Variants in ADARB2 observed in about 807,000 individuals in gnomAD.
ADARB2 encodes adenosine deaminase RNA specific B2 (inactive).
ADARB2 carries 25 observed loss-of-function variants against 62.2 expected under a neutral mutation model. That is an observed-to-expected ratio of 0.40 (90% CI 0.29 to 0.56). The LOEUF (loss-of-function observed/expected upper bound fraction) is 0.56. Among genes scored for constraint, ADARB2 ranks in the 20% least tolerant of loss-of-function variants. The pLI, the probability that ADARB2 is intolerant of heterozygous loss-of-function variation, is 0.43. For missense variants in ADARB2, 1,071 were observed against 1,077.4 expected, an observed-to-expected ratio of 0.99 and a Z score of 0.08; for synonymous variants, 572 against 500.8, an observed-to-expected ratio of 1.14 and a Z score of -1.90.
chr10:1,318,181 ACAAT>A (rs1413360756), intron 3 of ADARB2, among the ~76,000 whole-genome samples: 1 of 152,274 alleles, frequency 6.6e-6, no homozygotes, highest in Non-Finnish European at 1.5e-5. Flanking sequence ...TCACAGTAAC[ACAAT>A]CAATCAAATA....
chr10:1,603,019 TACAC>T (rs1833443217), intron 1 of ADARB2, among the ~76,000 whole-genome samples: 1 of 84,434 alleles, frequency 1.2e-5, no homozygotes, highest in East Asian at 3.1e-4. Context: ...TACACACACA[TACAC>T]ACATCAATAT....
In ADARB2 at chr10:1,371,401, G is replaced by A. The variant is rs558169269; in HGVS notation, c.188-7484C>T. Among the ~76,000 whole-genome samples, 10 of 152,128 alleles carry A rather than the reference G, an allele frequency of 6.6e-5. No homozygotes were observed. In the East Asian group the frequency reaches 1.9e-3, roughly 29 times the overall value. On this transcript the variant is annotated intron_variant, in intron 2 of 9. Coordinates refer to ENST00000381312, the MANE Select transcript of ADARB2 (RefSeq NM_018702.4). Reference sequence around the variant, plus strand: ...GCCTAGGCAAAAGATTTATGATGAAGGCCCCAAAAGGAAATGCACAAATCC... The same window carrying A: ...GCCTAGGCAAAAGATTTATGATGAAAGCCCCAAAAGGAAATGCACAAATCC...
intron 3 of ADARB2, among the ~76,000 whole-genome samples, chr10:1,281,004 ACT>A (rs1831366297): frequency 6.6e-6 from 1 of 152,218 alleles, no homozygotes; most frequent in Non-Finnish European, 1.5e-5. Flanking sequence ...AATGTTATTT[ACT>A]CTGAGTCATA....
At chr10:1,449,415 A>G (rs142663836) in intron 1 of ADARB2, among the ~76,000 whole-genome samples, 50 of 152,246 alleles carry the variant, frequency 3.3e-4, no homozygotes, top group African/African-American at 1.2e-3. Flanking sequence ...CCCCATGGTA[A>G]AAGTTCTTCA....
intron 1 of ADARB2, among the ~76,000 whole-genome samples, chr10:1,399,872 A>T (rs1832647433): frequency 6.6e-6 from 1 of 150,430 alleles, no homozygotes; most frequent in South Asian, 2.1e-4. Context: ...GCCCTGAGGG[A>T]CACACAGGAG....
intron 1 of ADARB2, among the ~76,000 whole-genome samples, chr10:1,526,039 G>A (rs1234634226): frequency 6.6e-6 from 1 of 152,212 alleles, no homozygotes; most frequent in Non-Finnish European, 1.5e-5. Context: ...ATGCGTGCAT[G>A]TGCATCTGTG....
In ADARB2 at chr10:1,676,906, G is replaced by A. The variant is rs565562462; in HGVS notation, c.100+60145C>T. ...AGTGTCAGAAACTCAGACCTCATGG[G>A]TCACTGTGGAGTGGAGGGCCCACAC... On this transcript the variant is annotated intron_variant, in intron 1 of 9. Transcript: ENST00000381312. Among the ~76,000 whole-genome samples, 3 of 152,208 alleles carry A rather than the reference G, an allele frequency of 2.0e-5. No homozygotes were observed. The East Asian group carries it at 5.8e-4, about 29-fold the overall frequency.
chr10:1,553,684 C>T (rs1832661150), intron 1 of ADARB2, among the ~76,000 whole-genome samples: 1 of 152,204 alleles, frequency 6.6e-6, no homozygotes, highest in South Asian at 2.1e-4. Context: ...CCTTTCTACC[C>T]AGAAGCCTAA....
chr10:1,241,889 T>C (rs1260857909), intron 5 of ADARB2, among the ~76,000 whole-genome samples: 4 of 152,142 alleles, frequency 2.6e-5, no homozygotes, highest in African/African-American at 9.7e-5. Context: ...CAAAGGTGTT[T>C]TCTGGAGGGA....
chr10:1,191,028 T>C (rs144891114), intron 8 of ADARB2, among the ~76,000 whole-genome samples: 136 of 147,332 alleles, frequency 9.2e-4, no homozygotes, highest in East Asian at 6.4e-3. Flanking sequence ...CCCCACACTC[T>C]GCAGAATGGG....
At chr10:1,326,397 G>C (rs1419042746) in intron 3 of ADARB2, among the ~76,000 whole-genome samples, 1 of 152,224 alleles carries the variant, frequency 6.6e-6, no homozygotes, top group Admixed American at 6.5e-5. Context: ...ACCATTCTGT[G>C]ACGTGGGCAA....
chr10:1,265,250 TTAGTG>T, intron 4 of ADARB2, among the ~76,000 whole-genome samples: 1 of 152,328 alleles, frequency 6.6e-6, no homozygotes, highest in East Asian at 1.9e-4. Context: ...ATCAAACTGA[TTAGTG>T]TATGTAAAAA....
intron 1 of ADARB2, among the ~76,000 whole-genome samples, chr10:1,476,679 G>C (rs1831405226): frequency 6.6e-6 from 1 of 152,190 alleles, no homozygotes; most frequent in South Asian, 2.1e-4. Flanking sequence ...AACCAGATCA[G>C]AAAGGCCATC....
At chr10:1,371,770 C>T (rs1832374160) in intron 2 of ADARB2, among the ~76,000 whole-genome samples, 2 of 128,342 alleles carry the variant, frequency 1.6e-5, no homozygotes, top group African/African-American at 2.9e-5. Context: ...GTCAGAATGG[C>T]TATTATTAAA....
chr10:1,275,653 C>T (rs534433726), intron 3 of ADARB2, among the ~76,000 whole-genome samples: 2 of 111,186 alleles, frequency 1.8e-5, no homozygotes, highest in East Asian at 6.7e-4. Flanking sequence ...GCTATCCCTC[C>T]CCCCTCCCCC....
intron 1 of ADARB2, among the ~76,000 whole-genome samples, chr10:1,530,877 G>A (rs1184788576): frequency 6.7e-6 from 1 of 149,716 alleles, no homozygotes; most frequent in African/African-American, 2.4e-5. Flanking sequence ...TCAGCACTCA[G>A]CACCCAGCAC....
chr10:1,261,619 A>T lies in ADARB2; in HGVS notation c.1192+9336T>A, dbSNP rs183606472. The stretch of plus-strand genomic sequence containing the variant: ...AATGAGATACCATCTCACACCAGGC[A>T]ATCATTAAAAAGTCAGGAAACAACA... On this transcript the variant is annotated intron_variant, in intron 4 of 9. Coordinates refer to ENST00000381312, the MANE Select transcript of ADARB2 (RefSeq NM_018702.4). 6.0e-5 allele frequency among the ~76,000 whole-genome samples: 9 copies of T among 149,674 alleles called. No individual in the cohort carries two copies. The East Asian group carries it at 1.5e-3, about 26-fold the overall frequency.
chr10:1,218,421 A>G (rs1254332560), intron 6 of ADARB2, among the ~76,000 whole-genome samples: 1 of 152,252 alleles, frequency 6.6e-6, no homozygotes, highest in Non-Finnish European at 1.5e-5. Flanking sequence ...TTTGAATTAT[A>G]TATAAAATAG....
chr10:1,185,514 ACAATAAAAAC>A (rs890096912), intron 8 of ADARB2, among the ~76,000 whole-genome samples: 1 of 151,992 alleles, frequency 6.6e-6, no homozygotes, highest in African/African-American at 2.4e-5. Context: ...ACAAAACAAA[ACAATAAAAAC>A]CAGGCAGAAA....
Sources: allele counts gnomAD v4.1 joint callset (sites outside exome capture counted in the v4.1 genomes callset), GRCh38; gene constraint gnomAD v4.1.1; transcripts MANE v1.5; gene names NCBI Gene and HGNC (gene_info 2026-07-23, HGNC 2026-07-21).